Variants in CHRM3 observed in about 807,000 individuals in gnomAD.
CHRM3 encodes the protein cholinergic receptor muscarinic 3.
CHRM3 carries 11 observed loss-of-function variants against 41.8 expected under a neutral mutation model. The observed-to-expected ratio is 0.26, with a 90% CI of 0.17 to 0.44. The LOEUF (loss-of-function observed/expected upper bound fraction) is 0.44, where lower values mean the gene tolerates loss of function less well. CHRM3 is among the 20% of genes least tolerant of loss of function. The pLI, the probability that CHRM3 is intolerant of heterozygous loss-of-function variation, is 1.00. For missense variants in CHRM3, 571 were observed against 745.4 expected, an observed-to-expected ratio of 0.77 and a Z score of 2.72; for synonymous variants, 297 against 301.4, an observed-to-expected ratio of 0.99 and a Z score of 0.15.
At chr1:239,389,644 T>G (rs931417453) in intron 1 of CHRM3, among the ~76,000 whole-genome samples, 1 of 152,196 alleles carries the variant, frequency 6.6e-6, no homozygotes, top group Non-Finnish European at 1.5e-5. Flanking sequence ...ACTTGTAAAT[T>G]GAATAGACAG....
chr1:239,463,274 T>G (rs923580835), intron 1 of CHRM3, among the ~76,000 whole-genome samples: 2 of 152,224 alleles, frequency 1.3e-5, no homozygotes, highest in African/African-American at 4.8e-5. Context: ...CAGAATTTTT[T>G]GCTAGATGTA....
chr1:239,735,667 T>C (rs892569224), intron 5 of CHRM3, among the ~76,000 whole-genome samples: 2 of 152,298 alleles, frequency 1.3e-5, no homozygotes, highest in African/African-American at 4.8e-5. Flanking sequence ...CTGTAGTATG[T>C]TATTTGATCA....
intron 4 of CHRM3, among the ~76,000 whole-genome samples, chr1:239,671,743 T>C (rs942191409): frequency 1.3e-5 from 2 of 152,224 alleles, no homozygotes; most frequent in Non-Finnish European, 2.9e-5. Flanking sequence ...TTGGATATAA[T>C]TGGAAATCCA....
chr1:239,435,068 G>T (rs1306714957), intron 1 of CHRM3, among the ~76,000 whole-genome samples: 1 of 151,998 alleles, frequency 6.6e-6, no homozygotes, highest in Non-Finnish European at 1.5e-5. Flanking sequence ...GTAAAATGTA[G>T]CAGTAAAGAA....
chr1:239,404,403 AGAAAGAAAAAGAAAGAAAG>A (rs1660329733), intron 1 of CHRM3, among the ~76,000 whole-genome samples: 1 of 57,924 alleles, frequency 1.7e-5, no homozygotes, highest in Non-Finnish European at 3.4e-5. Flanking sequence ...AAAGAAAGAA[AGAAAGAAAAAGAAAGAAAG>A]AAAGAAAGAA....
chr1:239,543,737 T>G (rs1659016446), intron 2 of CHRM3, among the ~76,000 whole-genome samples: 1 of 152,080 alleles, frequency 6.6e-6, no homozygotes, highest in African/African-American at 2.4e-5. Flanking sequence ...CTCGATCTCC[T>G]GATCTCATGA....
chr1:239,636,147 T>A (rs893334527), intron 4 of CHRM3, among the ~76,000 whole-genome samples: 1 of 152,168 alleles, frequency 6.6e-6, no homozygotes, highest in Admixed American at 6.5e-5. Context: ...ATTTATTGGC[T>A]AAACCTGGCG....
intron 1 of CHRM3, among the ~76,000 whole-genome samples, chr1:239,490,475 G>A (rs1170496857): frequency 6.6e-6 from 1 of 152,072 alleles, no homozygotes; most frequent in African/African-American, 2.4e-5. Context: ...TCAGAAATAA[G>A]GACTGTTACA....
At position 239,897,085 on chromosome 1, in the gene CHRM3, A is replaced by G. The variant is rs76142319; in HGVS notation, c.-19-10348A>G. ...GATGTAGGATCAGAGTGCCTAGGCA[A>G]TGTGCCCACGTGGCAGAATCGGGTG... is the stretch of plus-strand genomic sequence containing the variant. On this transcript the variant is annotated intron_variant, in intron 6 of 6. Coordinates refer to ENST00000676153, the MANE Select transcript of CHRM3 (RefSeq NM_001375978.1). 2.7e-3 allele frequency among the ~76,000 whole-genome samples: 406 copies of G among 152,298 alleles called. 2 individuals are homozygous for G. The highest frequency in any genetic ancestry group is 9.3e-3 in the African/African-American group (386 of 41,560).
At position 239,912,224 on chromosome 1, in the gene CHRM3, G is replaced by A. The variant is rs1436058649; in HGVS notation, c.*3000G>A. On this transcript the variant is annotated 3_prime_UTR_variant, in exon 7 of 7. Coordinates refer to ENST00000676153, the MANE Select transcript of CHRM3 (RefSeq NM_001375978.1). ...ACACACACTCAATCTCCATTCTCCAGGCATTGCCAGATGGTTAGGAGAAGT... is the reference window on the plus strand; with the variant it reads ...ACACACACTCAATCTCCATTCTCCAAGCATTGCCAGATGGTTAGGAGAAGT... The A allele has an allele frequency of 1.8e-5, 3 of 166,452 alleles. No homozygotes were observed. The East Asian group carries it at 5.8e-4, about 32-fold the overall frequency. The allele number at this position is 166,452 out of a possible 1,614,324, so 10.3% of individuals were successfully genotyped here.
intron 2 of CHRM3, among the ~76,000 whole-genome samples, chr1:239,539,915 C>A (rs967523809): frequency 6.6e-6 from 1 of 152,174 alleles, no homozygotes; most frequent in Non-Finnish European, 1.5e-5. Flanking sequence ...CTGCGCTGGC[C>A]AAATGCCATA....
At chr1:239,551,362 A>C (rs12123588) in intron 3 of CHRM3, among the ~76,000 whole-genome samples, 1 of 150,816 alleles carries the variant, frequency 6.6e-6, no homozygotes, top group Non-Finnish European at 1.5e-5. Flanking sequence ...GGGTTTCTCC[A>C]TGTTGGTCAG....
At chr1:239,745,811 G>A (rs1005758721) in intron 5 of CHRM3, among the ~76,000 whole-genome samples, 1 of 152,038 alleles carries the variant, frequency 6.6e-6, no homozygotes, top group African/African-American at 2.4e-5. Flanking sequence ...TTATGCAGCT[G>A]TTACTTTTTC....
At chr1:239,440,008 A>G (rs949709799) in intron 1 of CHRM3, among the ~76,000 whole-genome samples, 16 of 151,258 alleles carry the variant, frequency 1.1e-4, no homozygotes, top group Non-Finnish European at 2.2e-4. Flanking sequence ...GACTAGCCTG[A>G]CCAACATGGT....
chr1:239,520,761 G>T (rs1669589172), intron 2 of CHRM3, among the ~76,000 whole-genome samples: 1 of 152,186 alleles, frequency 6.6e-6, no homozygotes, highest in Admixed American at 6.5e-5. Flanking sequence ...TCTTACAGCA[G>T]TAAGCTCCCT....
chr1:239,832,844 T>C (rs1449871899), intron 6 of CHRM3, among the ~76,000 whole-genome samples: 1 of 152,194 alleles, frequency 6.6e-6, no homozygotes. Flanking sequence ...GGAATGCTTC[T>C]GTTCTCAAGA....
chr1:239,572,543 T>C (rs1177614158), intron 3 of CHRM3, among the ~76,000 whole-genome samples: 1 of 152,188 alleles, frequency 6.6e-6, no homozygotes, highest in Non-Finnish European at 1.5e-5. Flanking sequence ...CAACTAATAA[T>C]CATTAGCAAT....
At chr1:239,469,765 C>A (rs936501421) in intron 1 of CHRM3, among the ~76,000 whole-genome samples, 3 of 152,078 alleles carry the variant, frequency 2.0e-5, no homozygotes, top group African/African-American at 7.2e-5. Context: ...CCATGTTGGC[C>A]AGGGTGGTCC....
chr1:239,668,089 C>CTTTTTTTTTTTTTTTT (rs1221135009), intron 4 of CHRM3, among the ~76,000 whole-genome samples: 1 of 75,598 alleles, frequency 1.3e-5, no homozygotes, highest in Non-Finnish European at 2.6e-5. Context: ...TTTCCCCTTT[C>CTTTTTTTTTTTTTTTT]TTTTTTTTTT....
Sources: allele counts gnomAD v4.1 joint callset (sites outside exome capture counted in the v4.1 genomes callset), GRCh38; gene constraint gnomAD v4.1.1; transcripts MANE v1.5; gene names NCBI Gene and HGNC (gene_info 2026-07-23, HGNC 2026-07-21).